Variants in FAM13A observed in about 807,000 individuals in gnomAD.
FAM13A encodes family with sequence similarity 13 member A, also known as protein FAM13A.
Under a neutral mutation model 129.6 loss-of-function variants are expected in FAM13A, and 76 were observed. The observed-to-expected ratio is 0.59, with a 90% CI of 0.49 to 0.71. The LOEUF (loss-of-function observed/expected upper bound fraction) is 0.71. Among genes scored for constraint, FAM13A ranks in the 30% least tolerant of loss-of-function variants. The pLI is 0.00. For missense variants in FAM13A, 1,108 were observed against 1,249.3 expected (o/e 0.89, Z 1.70); for synonymous variants, 443 against 449.9 (o/e 0.98, Z 0.20).
chr4:89,031,060 G>A (rs1369614822), intron 1 of FAM13A, among the ~76,000 whole-genome samples: 2 of 152,122 alleles, frequency 1.3e-5, no homozygotes, highest in Non-Finnish European at 2.9e-5. Context: ...CTACTATGGA[G>A]TAGTATAGCA....
At position 88,726,133 on chromosome 4, in the gene FAM13A, C is replaced by T. The variant is rs946058690; in HGVS notation, c.*2400G>A. On this transcript the variant is annotated 3_prime_UTR_variant, in exon 24 of 24. Coordinates refer to ENST00000264344, the MANE Select transcript of FAM13A (RefSeq NM_014883.4). ...AAGCCAATTAATTAAGACACCGCCT[C>T]TAGTGCCTTGAGATTCTGGGCTGCA... 1 of 152,290 alleles carries T rather than the reference C, an allele frequency of 6.6e-6. No individual in the cohort carries two copies. Among genetic ancestry groups the T allele is most frequent in the Admixed American group, 6.5e-5 (1 of 15,304 alleles). The allele number at this position is 152,290 out of a possible 1,614,324, so 9.4% of individuals were successfully genotyped here. A position where few individuals can be genotyped will look rare whatever the true frequency, so the allele number is the denominator to read the frequency against.
intron 4 of FAM13A, among the ~76,000 whole-genome samples, chr4:88,958,831 G>A (rs569243444): frequency 2.0e-4 from 30 of 152,334 alleles, no homozygotes; most frequent in African/African-American, 6.7e-4. Flanking sequence ...AAAAGCCACA[G>A]ATGCTCAACA....
chr4:88,763,410 T>C (rs940201719), intron 13 of FAM13A, among the ~76,000 whole-genome samples: 4 of 152,170 alleles, frequency 2.6e-5, no homozygotes, highest in African/African-American at 7.2e-5. Flanking sequence ...ATACTGAACA[T>C]ACAAGTGCCA....
chr4:88,823,064 G>T, intron 7 of FAM13A: 1 of 1,608,880 alleles, frequency 6.2e-7, no homozygotes, highest in Non-Finnish European at 8.5e-7. Flanking sequence ...AAGTTTGGTC[G>T]TCTGTACAGT....
intron 4 of FAM13A, among the ~76,000 whole-genome samples, chr4:88,959,940 C>T (rs1758354950): frequency 6.6e-6 from 1 of 152,182 alleles, no homozygotes; most frequent in Non-Finnish European, 1.5e-5. Context: ...GCTTGCTTAA[C>T]TACCGCATCC....
At position 88,750,559 on chromosome 4, in the gene FAM13A, C is replaced by A; in HGVS notation, c.1805G>T (p.Arg602Leu). Residue 602 changes from arginine to leucine, a missense_variant, in exon 15 of 24, where the codon CGC becomes CTC. Arg to Leu is a moderately radical substitution (Grantham distance 102, BLOSUM62 -2). This residue lies in a region of FAM13A where 529 missense variants were observed against 621.2 expected (regional missense o/e 0.85). Transcript: ENST00000264344. ...DEAHLSPQAG[R>L]LIRQLLDEDS... ...TTCGTCCAGCAGCTGACGGATCAGG[C>A]GCCCAGCCTGCGGCGAGAGGTGGGC... 6.2e-7 allele frequency: 1 copy of A among 1,614,156 alleles called. No individual in the cohort carries two copies. Among genetic ancestry groups the A allele is most frequent in the Non-Finnish European group, 8.5e-7 (1 of 1,180,028 alleles).
Position 88,746,953 on chromosome 4 carries a change from A to T in FAM13A, c.2445T>A (p.Tyr815Ter). Reference sequence around the variant, plus strand: ...ATACCGGCCGTCCATGAATGCTTTCATAATATAACAGAGCTTTCTGCAGAG... The same window carrying T: ...ATACCGGCCGTCCATGAATGCTTTCTTAATATAACAGAGCTTTCTGCAGAG... ...KVALQKALLY[Y>*]ESIHGRPVTK... Residue 815 changes from tyrosine (Y) to a stop codon, truncating the protein, a stop_gained, in exon 19 of 24, where the codon TAT becomes TAA. Transcript: ENST00000264344. LOFTEE classifies it high-confidence loss of function. The T allele has an allele frequency of 6.2e-7, 1 of 1,613,466 alleles. No individual in the cohort carries two copies. The highest frequency in any genetic ancestry group is 8.5e-7 in the Non-Finnish European group (1 of 1,179,382).
rs1761465849 is a variant in FAM13A at position 88,980,120 on chromosome 4, CAACAGT to C, written c.605+10847_605+10852del. On this transcript the variant is annotated intron_variant, in intron 4 of 23. Coordinates refer to ENST00000264344, the MANE Select transcript of FAM13A (RefSeq NM_014883.4). ...TAAGCATGAGACATGCCATGATAAA[CAACAGT>C]AAGTTTTTAAATAAAGGTTATAAAG... is the stretch of plus-strand genomic sequence containing the variant. Among the ~76,000 whole-genome samples the C allele has an allele frequency of 6.6e-5, 10 of 152,156 alleles. No homozygotes were observed. In the South Asian group the frequency reaches 2.1e-3, roughly 32 times the overall value.
chr4:88,857,598 C>T (rs1436013325), intron 6 of FAM13A, among the ~76,000 whole-genome samples: 1 of 139,116 alleles, frequency 7.2e-6, no homozygotes, highest in Non-Finnish European at 1.5e-5. Flanking sequence ...CACTGCACTC[C>T]AGCCTGGGCA....
chr4:88,945,938 A>T lies in FAM13A; in HGVS notation c.606-7697T>A, dbSNP rs1172542600. ...TATATATATAGTATATATTATATGC[A>T]TAGTATATTTATACACACATAGTAT... On this transcript the variant is annotated intron_variant, in intron 4 of 23. Transcript: ENST00000264344. Among the ~76,000 whole-genome samples the T allele has an allele frequency of 2.3e-5, 3 of 132,542 alleles. 1 individual carries two copies. The highest frequency in any genetic ancestry group is 8.7e-5 in the African/African-American group (3 of 34,558). The allele number at this position is 132,542 out of a possible 152,430, so 87.0% of individuals were successfully genotyped here.
intron 3 of FAM13A, among the ~76,000 whole-genome samples, chr4:89,003,556 G>T (rs1283577509): frequency 1.3e-5 from 2 of 151,980 alleles, no homozygotes; most frequent in Non-Finnish European, 2.9e-5. Flanking sequence ...GGTGGAGGTT[G>T]CAGTAAGCAG....
chr4:88,918,522 T>C (rs776541432), intron 5 of FAM13A, among the ~76,000 whole-genome samples: 1 of 152,188 alleles, frequency 6.6e-6, no homozygotes, highest in Non-Finnish European at 1.5e-5. Flanking sequence ...GAATACTGCC[T>C]CTCCTGAAGA....
intron 3 of FAM13A, among the ~76,000 whole-genome samples, chr4:89,018,521 T>TA: frequency 6.6e-6 from 1 of 152,226 alleles, no homozygotes; most frequent in South Asian, 2.1e-4. Context: ...AAGATAAAAA[T>TA]AAAGGTTGTG....
At chr4:89,045,049 T>C (rs941805937) in intron 1 of FAM13A, among the ~76,000 whole-genome samples, 41 of 152,178 alleles carry the variant, frequency 2.7e-4, no homozygotes, top group Admixed American at 1.9e-3. Flanking sequence ...GAATTATATA[T>C]CTAAAATGGT....
At chr4:88,765,815 T>C (rs561223632) in intron 13 of FAM13A, among the ~76,000 whole-genome samples, 7 of 152,284 alleles carry the variant, frequency 4.6e-5, no homozygotes, top group East Asian at 1.9e-4. Flanking sequence ...CCTAATTTTA[T>C]GTCCTAACTG....
At chr4:88,833,759 G>A (rs556072780) in intron 7 of FAM13A, among the ~76,000 whole-genome samples, 2 of 151,996 alleles carry the variant, frequency 1.3e-5, no homozygotes, top group South Asian at 2.1e-4. Flanking sequence ...GGTGGTGGGT[G>A]CCTGTAATCC....
chr4:88,957,920 C>G (rs1350740155), intron 4 of FAM13A, among the ~76,000 whole-genome samples: 1 of 152,154 alleles, frequency 6.6e-6, no homozygotes, highest in East Asian at 1.9e-4. Context: ...GAAGAAATTT[C>G]TAAGCAGCAA....
At chr4:88,944,933 C>G (rs1246641) in intron 4 of FAM13A, among the ~76,000 whole-genome samples, 42,586 of 151,494 alleles carry the variant, frequency 0.28, 7,030 homozygotes, top group Middle Eastern at 0.42. Context: ...AATCTGAGAT[C>G]CCTTGTCAAA....
rs1467549004 is a variant in FAM13A at position 88,945,543 on chromosome 4, TG to T, written c.606-7303del. On this transcript the variant is annotated intron_variant, in intron 4 of 23. Coordinates refer to ENST00000264344, the MANE Select transcript of FAM13A (RefSeq NM_014883.4). ...TTAGAATTCCCCAATCAGTAGTTTT[TG>T]GGGGTCACTTGACAAGGTTGGATCT... 2.6e-5 allele frequency among the ~76,000 whole-genome samples: 4 copies of T among 151,936 alleles called. No individual in the cohort carries two copies. In the East Asian group the frequency reaches 7.7e-4, roughly 29 times the overall value.
Sources: gnomAD v4.1 joint callset for allele counts (sites outside exome capture counted in the v4.1 genomes callset) on GRCh38, gnomAD v4.1.1 for gene constraint, gnomAD v4.1.1 regional missense constraint, MANE v1.5 for transcripts, NCBI Gene and HGNC (gene_info 2026-07-23, HGNC 2026-07-21) for gene names.